The following HDAC11 variants were observed in gnomAD, a reference collection of about 807,000 sequenced individuals.
HDAC11 encodes histone deacetylase 11.
A neutral mutation model predicts 41.1 loss-of-function variants in HDAC11; 23 were observed. That is an observed-to-expected ratio of 0.56 (90% CI 0.40 to 0.79). The LOEUF (loss-of-function observed/expected upper bound fraction) is 0.79, where lower values mean the gene tolerates loss of function less well. HDAC11 is among the 30% of genes least tolerant of loss of function. The pLI, the probability that HDAC11 is intolerant of heterozygous loss-of-function variation, is 0.00. For missense variants in HDAC11, 402 were observed against 477.3 expected (o/e 0.84, Z 1.47); for synonymous variants, 187 against 186.6 (o/e 1.00, Z -0.02).
Position 13,504,613 on chromosome 3 carries a change from T to A in HDAC11, c.974T>A (p.Ile325Asn). The A allele has an allele frequency of 2.5e-6, 4 of 1,613,818 alleles. No homozygotes were observed. The highest frequency in any genetic ancestry group is 2.5e-6 in the Non-Finnish European group (3 of 1,180,026). Residue 325 changes from isoleucine to asparagine, a missense_variant, in exon 10 of 10, where the codon ATT becomes AAT. By Grantham distance (149) the Ile-to-Asn change is moderately radical. Coordinates refer to ENST00000295757, the MANE Select transcript of HDAC11 (RefSeq NM_024827.4). ...CTTAATCTGTTTGGCCTGGGGCTCA[T>A]TGGGCCTGAGTCACCCAGCGTCTCC... ...SILNLFGLGL[I>N]GPESPSVSAQ...
Position 13,504,686 on chromosome 3 carries a change from C to G in HDAC11, c.*3C>G, listed in dbSNP as rs1339447207. ...TGCTTCCCCCTGCAGTGCCCTGACC[C>G]TTGCTGCCCTGCCTGTCACGTGGCC... On this transcript the variant is annotated 3_prime_UTR_variant, in exon 10 of 10. Coordinates refer to ENST00000295757, the MANE Select transcript of HDAC11 (RefSeq NM_024827.4). 6.2e-7 allele frequency: 1 copy of G among 1,612,284 alleles called. No individual in the cohort carries two copies. Among genetic ancestry groups the G allele is most frequent in the Admixed American group, 1.7e-5 (1 of 60,028 alleles).
intron 3 of HDAC11, among the ~76,000 whole-genome samples, chr3:13,493,780 G>T (rs563092805): frequency 6.6e-6 from 1 of 152,338 alleles, no homozygotes; most frequent in African/African-American, 2.4e-5. Context: ...TCTCCTGTGG[G>T]GGCTGGTCCT....
At position 13,480,332 on chromosome 3, in the gene HDAC11, G is replaced by A; in HGVS notation, c.-16G>A. 8.1e-7 allele frequency: 1 copy of A among 1,228,072 alleles called. No homozygotes were observed. The highest frequency in any genetic ancestry group is 1.0e-6 in the Non-Finnish European group (1 of 985,484). The allele number at this position is 1,228,072 out of a possible 1,614,324, so 76.1% of individuals were successfully genotyped here. A position where few individuals can be genotyped will look rare whatever the true frequency, so the allele number is the denominator to read the frequency against. ...GTCGCGGAGCTGCGGCCAGCTTTGG[G>A]AGGGCCGGCCCCGGGATGTGAGTGC... On this transcript the variant is annotated 5_prime_UTR_variant, in exon 1 of 10. Coordinates refer to ENST00000295757, the MANE Select transcript of HDAC11 (RefSeq NM_024827.4). This position sits in a 1 kb window ranked among gnomAD's most constrained non-coding sequence, Gnocchi z 4.6.
At chr3:13,493,641 T>C (rs1701962557) in intron 3 of HDAC11, among the ~76,000 whole-genome samples, 1 of 152,262 alleles carries the variant, frequency 6.6e-6, no homozygotes, top group Non-Finnish European at 1.5e-5. Flanking sequence ...ACCACATCAC[T>C]GCCTTGTGCA....
At chr3:13,492,511 A>G (rs1701912702) in intron 3 of HDAC11, among the ~76,000 whole-genome samples, 1 of 152,148 alleles carries the variant, frequency 6.6e-6, no homozygotes, top group Non-Finnish European at 1.5e-5. Flanking sequence ...AGATGAAGCC[A>G]AGGTGTGGGC....
At chr3:13,500,009 C>T (rs1047173503) in intron 5 of HDAC11, among the ~76,000 whole-genome samples, 1 of 152,072 alleles carries the variant, frequency 6.6e-6, no homozygotes, top group Non-Finnish European at 1.5e-5. Flanking sequence ...AGGGAGTCTT[C>T]AGCAAGCTCA....
Position 13,480,478 on chromosome 3 carries a change from G to T in HDAC11, c.2+129G>T. On this transcript the variant is annotated intron_variant, in intron 1 of 9. Transcript: ENST00000295757. This position sits in a 1 kb window ranked among gnomAD's most constrained non-coding sequence, Gnocchi z 4.6. ...GCCCAGATTTGCTGGTGAGGGGTGA[G>T]GGACGCTCGGGACGGGTGTTTCCAG... 2.2e-6 allele frequency: 1 copy of T among 450,106 alleles called. No homozygotes were observed. The highest frequency in any genetic ancestry group is 3.4e-6 in the Non-Finnish European group (1 of 292,956). The allele number at this position is 450,106 out of a possible 1,614,324, so 27.9% of individuals were successfully genotyped here.
chr3:13,498,936 T>C (rs1484552855), intron 5 of HDAC11, among the ~76,000 whole-genome samples: 4 of 152,032 alleles, frequency 2.6e-5, no homozygotes, highest in Non-Finnish European at 4.4e-5. Flanking sequence ...ACTCCACCTG[T>C]GTCCTGGGGC....
intron 6 of HDAC11, 121 bp from the exon 7 acceptor site, chr3:13,501,750 C>A: frequency 1.2e-6 from 1 of 844,264 alleles, no homozygotes; most frequent in Admixed American, 1.8e-5. Flanking sequence ...TGCTGGGTGG[C>A]CTGATTACCC....
intron 5 of HDAC11, among the ~76,000 whole-genome samples, chr3:13,499,330 C>T (rs1484386213): frequency 4.6e-5 from 7 of 152,128 alleles, no homozygotes; most frequent in African/African-American, 9.7e-5. Flanking sequence ...CCACCATGCC[C>T]GGCTAATTTT....
intron 3 of HDAC11, among the ~76,000 whole-genome samples, chr3:13,495,180 C>G (rs1574904314): frequency 6.6e-6 from 1 of 152,160 alleles, no homozygotes; most frequent in East Asian, 1.9e-4. Flanking sequence ...CACCTTAGGT[C>G]TTTCCACATC....
intron 6 of HDAC11, 26 bp downstream of exon 6, chr3:13,500,815 C>A: frequency 6.8e-7 from 1 of 1,479,338 alleles, no homozygotes; most frequent in Admixed American, 2.1e-5. Flanking sequence ...AGTGGGGTCT[C>A]GCCTCCAAGA....
intron 5 of HDAC11, 30 bp downstream of exon 5, chr3:13,498,585 C>G: frequency 6.2e-7 from 1 of 1,612,138 alleles, no homozygotes; most frequent in Non-Finnish European, 8.5e-7. Flanking sequence ...TCGGGAATGT[C>G]CAGCCCGGCT....
chr3:13,487,075 A>G (rs1038419934), intron 3 of HDAC11, among the ~76,000 whole-genome samples: 38 of 152,164 alleles, frequency 2.5e-4, no homozygotes, highest in African/African-American at 9.2e-4. Flanking sequence ...GGAGGAGTGT[A>G]TATGTTGTTC....
At chr3:13,495,884 ATCACCACAC>A (rs1702074393) in intron 3 of HDAC11, among the ~76,000 whole-genome samples, 2 of 152,152 alleles carry the variant, frequency 1.3e-5, no homozygotes, top group South Asian at 4.1e-4. Context: ...TCTCCTCTTC[ATCACCACAC>A]TCATCACACT....
intron 8 of HDAC11, 92 bp downstream of exon 8, chr3:13,503,072 C>T: frequency 2.2e-6 from 2 of 904,604 alleles, no homozygotes; most frequent in Non-Finnish European, 3.6e-6. Context: ...CTGCAGAAGC[C>T]ACTGCAGTGG....
chr3:13,502,834 G>A lies in HDAC11; in HGVS notation c.553-50G>A. On this transcript the variant is annotated intron_variant, in intron 7 of 9. Coordinates refer to ENST00000295757, the MANE Select transcript of HDAC11 (RefSeq NM_024827.4). The surrounding 1 kb of genome is among the most constrained non-coding windows in gnomAD (Gnocchi z 4.1). ...GGGGTGGGTGGGTGGCAGAGCCCCA[G>A]CCTTGCCTAGGGCACCTACCCGAGA... 1.3e-6 allele frequency: 2 copies of A among 1,493,188 alleles called. No homozygotes were observed. Among genetic ancestry groups the A allele is most frequent in the Non-Finnish European group, 1.9e-6 (2 of 1,073,866 alleles). 92.5% of individuals were successfully genotyped at this position (1,493,188 alleles called of 1,614,324 possible). A position where few individuals can be genotyped will look rare whatever the true frequency, so the allele number is the denominator to read the frequency against.
intron 3 of HDAC11, among the ~76,000 whole-genome samples, chr3:13,495,687 G>A (rs1490011350): frequency 6.6e-6 from 1 of 152,192 alleles, no homozygotes; most frequent in Non-Finnish European, 1.5e-5. Flanking sequence ...TAGGAGACCA[G>A]GCCCTGTGTG....
rs1701287317 is a variant in HDAC11, at chr3:13,480,953, C to T, written c.3-293C>T. On this transcript the variant is annotated intron_variant, in intron 1 of 9. Coordinates refer to ENST00000295757, the MANE Select transcript of HDAC11 (RefSeq NM_024827.4). This position sits in a 1 kb window ranked among gnomAD's most constrained non-coding sequence, Gnocchi z 4.6. The stretch of plus-strand genomic sequence containing the variant: ...CCTTGCAGCCAGACACACCTGAGTG[C>T]ACGCCTGCTTCTCCACAGACCTGCA... 1 of 485,522 alleles carries T rather than the reference C, an allele frequency of 2.1e-6. No homozygotes were observed. Among genetic ancestry groups the T allele is most frequent in the South Asian group, 2.1e-5 (1 of 46,576 alleles). The allele number at this position is 485,522 out of a possible 1,614,324, so 30.1% of individuals were successfully genotyped here. A position where few individuals can be genotyped will look rare whatever the true frequency, so the allele number is the denominator to read the frequency against.
Sources: gnomAD v4.1 joint callset for allele counts (sites outside exome capture counted in the v4.1 genomes callset) on GRCh38, gnomAD v4.1.1 for gene constraint, Gnocchi (gnomAD v3.1) non-coding constraint, MANE v1.5 for transcripts, NCBI Gene and HGNC (gene_info 2026-07-23, HGNC 2026-07-21) for gene names.